Variants in ACYP2 observed in about 807,000 individuals in gnomAD.
ACYP2 encodes the protein acylphosphatase 2.
In ACYP2, 12 loss-of-function variants were observed where a neutral mutation model predicts 11.2. That is an observed-to-expected ratio of 1.08 (90% CI 0.69 to 1.74). ACYP2 has a LOEUF of 1.74. Among genes scored for constraint, ACYP2 ranks in the 40% most tolerant of loss-of-function variants. The pLI, the probability that ACYP2 is intolerant of heterozygous loss-of-function variation, is 0.00. For missense variants in ACYP2, 134 were observed against 101.9 expected (o/e 1.31, Z -1.35); for synonymous variants, 43 against 32.2 (o/e 1.33, Z -1.13).
chr2:54,201,600 C>CT (rs1300724302), intron 6 of ACYP2, among the ~76,000 whole-genome samples: 10,375 of 84,670 alleles, frequency 0.12, 650 homozygotes, highest in East Asian at 0.28. Flanking sequence ...CTTTCTCTTT[C>CT]TTTCTTTCTT....
At position 53,973,855 on chromosome 2, in the gene ACYP2, A is replaced by ATGTGTG. The variant is rs573137716; in HGVS notation, c.62+87_62+92dup. Reference sequence around the variant, plus strand: ...GGATTTTTGAATGTGGGATATATATATGTGTGTGTGTGTGTGTGTGTGTGT... The same window carrying ATGTGTG: ...GGATTTTTGAATGTGGGATATATATATGTGTGTGTGTGTGTGTGTGTGTGTGTGTGT... On this transcript the variant is annotated intron_variant, in intron 2 of 6. Transcript: ENST00000607452. 2.5e-3 allele frequency: 317 copies of ATGTGTG among 124,402 alleles called. 8 individuals carry two copies. Among genetic ancestry groups the ATGTGTG allele is most frequent in the Admixed American group, 4.2e-3 (36 of 8,626 alleles). The allele number at this position is 124,402 out of a possible 1,614,324, so 7.7% of individuals were successfully genotyped here.
intron 6 of ACYP2, among the ~76,000 whole-genome samples, chr2:54,162,307 C>T (rs182831151): frequency 3.7e-4 from 56 of 152,308 alleles, no homozygotes; most frequent in Admixed American, 1.2e-3. Flanking sequence ...ATTTTTACCC[C>T]ACTGTGTACA....
chr2:54,115,789 A>C lies in ACYP2; in HGVS notation c.278-19664A>C, dbSNP rs141890008. ...GCCCCTCTACGGTGGGAGATCAAAAAGGTTATGGGAGGAAGGGGAGAAAGC... is the reference window on the plus strand; with the variant it reads ...GCCCCTCTACGGTGGGAGATCAAAACGGTTATGGGAGGAAGGGGAGAAAGC... On this transcript the variant is annotated intron_variant, in intron 4 of 6. Transcript: ENST00000607452. 2.9e-4 allele frequency: 451 copies of C among 1,559,948 alleles called. 1 individual carries two copies. The African/African-American group carries it at 5.7e-3, about 20-fold the overall frequency.
At chr2:54,222,536 C>T (rs1028737681) in intron 6 of ACYP2, among the ~76,000 whole-genome samples, 1 of 131,692 alleles carries the variant, frequency 7.6e-6, no homozygotes, top group Middle Eastern at 3.6e-3. Context: ...GGTGACAGAG[C>T]GAGACTCTGT....
intron 6 of ACYP2, among the ~76,000 whole-genome samples, chr2:54,245,491 C>T (rs984724388): frequency 2.4e-4 from 36 of 151,874 alleles, no homozygotes; most frequent in Admixed American, 1.1e-3. Context: ...ACATTCCCAC[C>T]AACAGTGTGT....
rs143391032 is a variant in ACYP2 at position 54,240,763 on chromosome 2, T to C, written c.405-63925T>C. 5.1e-4 allele frequency among the ~76,000 whole-genome samples: 78 copies of C among 152,280 alleles called. 2 individuals carry two copies. In the East Asian group the frequency reaches 0.013, roughly 25 times the overall value. On this transcript the variant is annotated intron_variant, in intron 6 of 6. Transcript: ENST00000607452. ...CATAGAGAACTAAGAGTCAGGAAAC[T>C]TGGGGCCTATATCTAGGGCATCTGT...
intron 6 of ACYP2, among the ~76,000 whole-genome samples, chr2:54,197,944 ATTGTATTGTATTGTAT>A (rs1684573528): frequency 6.6e-5 from 1 of 15,096 alleles, no homozygotes; most frequent in Non-Finnish European, 1.3e-4. Flanking sequence ...TATGTATTAT[ATTGTATTGTATTGTAT>A]TGTATTGTAT....
chr2:54,099,695 A>G (rs1418408886), intron 4 of ACYP2, among the ~76,000 whole-genome samples: 1 of 152,080 alleles, frequency 6.6e-6, no homozygotes, highest in Non-Finnish European at 1.5e-5. Context: ...ACTCAGGTCC[A>G]TATCTTTTAT....
chr2:54,044,588 C>T (rs975408874), intron 2 of ACYP2, among the ~76,000 whole-genome samples: 1 of 151,666 alleles, frequency 6.6e-6, no homozygotes, highest in Non-Finnish European at 1.5e-5. Flanking sequence ...CGCTGTCCCC[C>T]ACTCCTGCCC....
chr2:53,972,519 A>G (rs1671211247), intron 1 of ACYP2, among the ~76,000 whole-genome samples: 1 of 152,068 alleles, frequency 6.6e-6, no homozygotes, highest in Non-Finnish European at 1.5e-5. Context: ...AGGCAGGAGA[A>G]TGGCGTGAAT....
chr2:54,288,506 T>A (rs1035496446), intron 6 of ACYP2, among the ~76,000 whole-genome samples: 2 of 152,056 alleles, frequency 1.3e-5, no homozygotes, highest in Non-Finnish European at 2.9e-5. Flanking sequence ...CTAATGTAAT[T>A]CTGTCTCATT....
intron 6 of ACYP2, among the ~76,000 whole-genome samples, chr2:54,202,479 C>T (rs1684886995): frequency 6.8e-6 from 1 of 146,606 alleles, no homozygotes; most frequent in African/African-American, 2.6e-5. Flanking sequence ...TCGATCTCAC[C>T]TCGCTGCAAC....
At chr2:54,020,597 A>G (rs1673954303) in intron 2 of ACYP2, among the ~76,000 whole-genome samples, 1 of 152,234 alleles carries the variant, frequency 6.6e-6, no homozygotes, top group Non-Finnish European at 1.5e-5. Context: ...AAATTATTGG[A>G]ACACATCTAA....
At chr2:54,193,851 T>A (rs1249680621) in intron 6 of ACYP2, among the ~76,000 whole-genome samples, 1 of 152,168 alleles carries the variant, frequency 6.6e-6, no homozygotes, top group Non-Finnish European at 1.5e-5. Flanking sequence ...GTAATTGGCA[T>A]AATGAGTTGG....
intron 4 of ACYP2, among the ~76,000 whole-genome samples, chr2:54,125,784 T>C (rs1004393901): frequency 3.8e-4 from 57 of 150,846 alleles, no homozygotes; most frequent in African/African-American, 1.3e-3. Context: ...TTTAAACATA[T>C]TAAAAAGGGG....
chr2:54,192,388 T>C (rs986919822), intron 6 of ACYP2, among the ~76,000 whole-genome samples: 1 of 152,142 alleles, frequency 6.6e-6, no homozygotes, highest in Non-Finnish European at 1.5e-5. Context: ...TATTTTTAAT[T>C]TTTTTAAATT....
intron 3 of ACYP2, among the ~76,000 whole-genome samples, chr2:54,051,945 G>C (rs925617842): frequency 5.3e-5 from 8 of 152,164 alleles, no homozygotes; most frequent in African/African-American, 1.9e-4. Flanking sequence ...TACTCGGGAA[G>C]CTGAGGCATG....
intron 6 of ACYP2, among the ~76,000 whole-genome samples, chr2:54,234,635 T>A (rs1460069939): frequency 6.6e-6 from 1 of 152,222 alleles, no homozygotes; most frequent in African/African-American, 2.4e-5. Context: ...TTGGCTGTTA[T>A]TTTTTCGGTT....
At chr2:54,291,820 A>T (rs530696214) in intron 6 of ACYP2, among the ~76,000 whole-genome samples, 2 of 152,178 alleles carry the variant, frequency 1.3e-5, no homozygotes, top group African/African-American at 4.8e-5. Flanking sequence ...TAATAGGCCT[A>T]TCAGGAAAAA....
Sources: gnomAD v4.1 joint callset for allele counts (sites outside exome capture counted in the v4.1 genomes callset) on GRCh38, gnomAD v4.1.1 for gene constraint, MANE v1.5 for transcripts, NCBI Gene and HGNC (gene_info 2026-07-23, HGNC 2026-07-21) for gene names.